The following SASH1 variants were observed in gnomAD, a reference collection of about 807,000 sequenced individuals.
SASH1 encodes SAM and SH3 domain-containing protein 1.
SASH1 carries 44 observed loss-of-function variants against 125.2 expected under a neutral mutation model. The observed-to-expected ratio is 0.35, with a 90% confidence interval of 0.28 to 0.45. The LOEUF (loss-of-function observed/expected upper bound fraction) is 0.45, where lower values mean the gene tolerates loss of function less well. SASH1 is among the 20% of genes least tolerant of loss of function. SASH1 has a pLI of 1.00. For missense variants in SASH1, 1,426 were observed against 1,614.5 expected (o/e 0.88, Z 2.00); for synonymous variants, 639 against 649.1 (o/e 0.98, Z 0.24).
intron 2 of SASH1, among the ~76,000 whole-genome samples, chr6:148,418,464 T>C (rs552073673): frequency 3.9e-5 from 6 of 152,320 alleles, no homozygotes; most frequent in Non-Finnish European, 5.9e-5. Context: ...GAACATACTG[T>C]CTTTCTCCTG....
At chr6:148,253,831 C>A in the SASH1 span, among the ~76,000 whole-genome samples, 6 of 151,944 alleles carry the variant, frequency 3.9e-5, no homozygotes, top group Admixed American at 3.3e-4. Flanking sequence ...GAGATCGCAC[C>A]ACTGCACTCC....
chr6:148,523,193 G>A (rs2115365712), intron 10 of SASH1, among the ~76,000 whole-genome samples: 1 of 152,318 alleles, frequency 6.6e-6, no homozygotes, highest in South Asian at 2.1e-4. Flanking sequence ...AGATGCTGTG[G>A]TTTAAAGCAG....
chr6:148,263,378 A>G, the SASH1 span, among the ~76,000 whole-genome samples: 7 of 152,184 alleles, frequency 4.6e-5, no homozygotes, highest in Non-Finnish European at 1.0e-4. Flanking sequence ...CAGCATTTTG[A>G]TACAAACAGA....
At chr6:148,208,933 A>C in the SASH1 span, among the ~76,000 whole-genome samples, 1 of 152,354 alleles carries the variant, frequency 6.6e-6, no homozygotes, top group South Asian at 2.1e-4. Context: ...ACAAATATAA[A>C]ATACCGTTTT....
chr6:148,517,378 G>C (rs1175206330), intron 9 of SASH1, among the ~76,000 whole-genome samples: 1 of 152,190 alleles, frequency 6.6e-6, no homozygotes, highest in African/African-American at 2.4e-5. Context: ...CCTTTGGTAA[G>C]CCGGTCTCAG....
intron 1 of SASH1, among the ~76,000 whole-genome samples, chr6:148,310,440 A>G (rs1445628005): frequency 6.8e-6 from 1 of 147,292 alleles, no homozygotes; most frequent in Non-Finnish European, 1.5e-5. Flanking sequence ...AAAAAAAAAA[A>G]ATAGATTGTA....
chr6:148,527,936 G>A (rs1781282156), intron 12 of SASH1, among the ~76,000 whole-genome samples: 1 of 145,690 alleles, frequency 6.9e-6, no homozygotes, highest in Admixed American at 7.0e-5. Flanking sequence ...TCTAAACTAT[G>A]CCTTGCTACA....
chr6:148,254,674 C>A, the SASH1 span, among the ~76,000 whole-genome samples: 1 of 152,090 alleles, frequency 6.6e-6, no homozygotes, highest in Non-Finnish European at 1.5e-5. Flanking sequence ...GATAGGATGG[C>A]TCTAATAATA....
intron 1 of SASH1, among the ~76,000 whole-genome samples, chr6:148,307,041 TTTCTTTC>T (rs1780151337): frequency 1.1e-5 from 1 of 94,862 alleles, no homozygotes; most frequent in South Asian, 3.1e-4. Context: ...TCTTTCTTTC[TTTCTTTC>T]TTTCTTTCTT....
chr6:148,213,505 G>GGTGTGTGTGTGTGTGTGTGTGTGTGT, the SASH1 span, among the ~76,000 whole-genome samples: 686 of 148,426 alleles, frequency 4.6e-3, 5 homozygotes, highest in Non-Finnish European at 6.7e-3. Flanking sequence ...CTAGCCAAAG[G>GGTGTGTGTGTGTGTGTGTGTGTGTGT]GTGTGTGTGT....
At chr6:148,322,410 A>G (rs1181410468) in intron 1 of SASH1, among the ~76,000 whole-genome samples, 1 of 152,206 alleles carries the variant, frequency 6.6e-6, no homozygotes, top group East Asian at 1.9e-4. Context: ...CCTTCTCTAC[A>G]TAGTTCTTTT....
intron 2 of SASH1, among the ~76,000 whole-genome samples, chr6:148,412,287 T>A (rs1429956816): frequency 6.6e-6 from 1 of 152,204 alleles, no homozygotes; most frequent in Non-Finnish European, 1.5e-5. Context: ...TCACATAAAT[T>A]TCAATTTGTA....
At chr6:148,483,033 G>A (rs902404994) in intron 7 of SASH1, among the ~76,000 whole-genome samples, 1 of 152,130 alleles carries the variant, frequency 6.6e-6, no homozygotes, top group African/African-American at 2.4e-5. Flanking sequence ...TTCCCTGGAA[G>A]CACAGCCTGA....
intron 4 of SASH1, among the ~76,000 whole-genome samples, chr6:148,445,607 C>T (rs1352036405): frequency 6.6e-6 from 1 of 152,150 alleles, no homozygotes; most frequent in African/African-American, 2.4e-5. Flanking sequence ...CTTCAGAAAC[C>T]CAGATGGCTG....
the SASH1 span, among the ~76,000 whole-genome samples, chr6:148,210,595 T>G: frequency 6.6e-6 from 1 of 152,234 alleles, no homozygotes; most frequent in Non-Finnish European, 1.5e-5. Context: ...TACAAGTCAT[T>G]TGGTTTTTTC....
upstream of SASH1, among the ~76,000 whole-genome samples, chr6:148,268,904 A>G (rs1174717593): frequency 2.0e-5 from 3 of 152,246 alleles, no homozygotes; most frequent in African/African-American, 7.2e-5. Flanking sequence ...ACTTTGTCAG[A>G]TAAGGCATTG....
chr6:148,212,986 G>C, the SASH1 span, among the ~76,000 whole-genome samples: 11 of 152,226 alleles, frequency 7.2e-5, no homozygotes, highest in African/African-American at 2.2e-4. Context: ...GCTTCTCCTG[G>C]TAAGAACAAG....
intron 2 of SASH1, among the ~76,000 whole-genome samples, chr6:148,408,315 C>T (rs2114897630): frequency 6.6e-6 from 1 of 151,248 alleles, no homozygotes; most frequent in Middle Eastern, 3.5e-3. Context: ...ACTGTGTTGG[C>T]CAGGTTGGTC....
chr6:148,440,615 AAG>A, intron 4 of SASH1: 1 of 576,248 alleles, frequency 1.7e-6, no homozygotes, highest in East Asian at 2.8e-5. Context: ...GGATTTTGTG[AAG>A]AGTTACTGAT....
Sources: allele counts gnomAD v4.1 joint callset (sites outside exome capture counted in the v4.1 genomes callset), GRCh38; gene constraint gnomAD v4.1.1; transcripts MANE v1.5; gene names NCBI Gene and HGNC (gene_info 2026-07-23, HGNC 2026-07-21).